SLC36A1: variants seen among roughly 807,000 people sequenced by gnomAD.
The protein encoded by SLC36A1 is solute carrier family 36 member 1, also known as proton-coupled amino acid transporter 1.
SLC36A1 carries 30 observed loss-of-function variants against 47.5 expected under a neutral mutation model. The observed-to-expected ratio is 0.63, with a 90% CI of 0.47 to 0.86. SLC36A1 has a LOEUF of 0.86. Ranked by LOEUF, SLC36A1 falls within the 40% of genes least tolerant of loss-of-function variation. SLC36A1 has a pLI of 0.00. For missense variants in SLC36A1, 517 were observed against 606.0 expected (o/e 0.85, Z 1.54); for synonymous variants, 255 against 249.7 (o/e 1.02, Z -0.20).
chr5:151,420,952 G>C, the SLC36A1 span, among the ~76,000 whole-genome samples: 2 of 148,436 alleles, frequency 1.3e-5, no homozygotes, highest in East Asian at 2.1e-4. Flanking sequence ...TGCATTGCAA[G>C]CTCCTTCTCC....
At chr5:151,540,480 C>A in the SLC36A1 span, 24 of 1,247,620 alleles carry the variant, frequency 1.9e-5, no homozygotes, top group African/African-American at 3.1e-4. Context: ...AATCTCCCTT[C>A]TCCTGCTCCT....
the SLC36A1 span, among the ~76,000 whole-genome samples, chr5:151,404,881 T>A: frequency 0.018 from 2,681 of 152,296 alleles, 226 homozygotes; most frequent in Admixed American, 0.15. Context: ...TGACTGTGTG[T>A]CTTGTATAGT....
intron 1 of SLC36A1, among the ~76,000 whole-genome samples, chr5:151,452,753 C>A (rs1205956031): frequency 6.6e-6 from 1 of 151,584 alleles, no homozygotes. Flanking sequence ...GCCTGTAATC[C>A]CAGCCACTCG....
At chr5:151,551,449 C>T in the SLC36A1 span, 2 of 1,612,956 alleles carry the variant, frequency 1.2e-6, no homozygotes, top group South Asian at 2.2e-5. Context: ...ACAGGGGTCC[C>T]CAGCCGAGGC....
chr5:151,481,471 G>A (rs969716798), intron 10 of SLC36A1, among the ~76,000 whole-genome samples: 5 of 152,124 alleles, frequency 3.3e-5, no homozygotes, highest in South Asian at 2.1e-4. Context: ...TTTCAGCACC[G>A]TTGGTTAGTA....
chr5:151,536,978 C>G, the SLC36A1 span, among the ~76,000 whole-genome samples: 1 of 152,180 alleles, frequency 6.6e-6, no homozygotes, highest in Non-Finnish European at 1.5e-5. Context: ...TATAAATTCT[C>G]CTGCCTTGAG....
chr5:151,381,157 G>C, the SLC36A1 span: 1 of 466,810 alleles, frequency 2.1e-6, no homozygotes, highest in Non-Finnish European at 4.2e-6. Flanking sequence ...CCATGGCTGT[G>C]TGGAAGGAGC....
Position 151,464,593 on chromosome 5 carries a change from T to A in SLC36A1, c.314T>A (p.Phe105Tyr). ...ATCCTGGTGAAATGTGCTCACCACT[T>A]CTGCCGCAGGTGAGAGCCCTCTGAG... ...MGILVKCAHH[F>Y]CRRLNKSFVD... The change falls in exon 4 of 11, where the codon TTC (phenylalanine) becomes TAC (tyrosine). Residue 105 changes from phenylalanine to tyrosine, a missense_variant. Phe to Tyr is a conservative substitution (Grantham distance 22, BLOSUM62 3). Coordinates refer to ENST00000243389, the MANE Select transcript of SLC36A1 (RefSeq NM_078483.4). 6.2e-7 allele frequency: 1 copy of A among 1,614,020 alleles called. No homozygotes were observed. The highest frequency in any genetic ancestry group is 2.2e-5 in the East Asian group (1 of 44,876).
At position 151,476,711 on chromosome 5, in the gene SLC36A1, G is replaced by C. The variant is rs374804438; in HGVS notation, c.944G>C (p.Gly315Ala). The change falls in exon 9 of 11, where the codon GGA (glycine) becomes GCA (alanine). Residue 315 changes from glycine to alanine, a missense_variant. Gly to Ala is a moderately conservative substitution (Grantham distance 60). Transcript: ENST00000243389. ...SLGCLGYLQFGANIQGSITLN... is the reference protein window; with the variant it reads ...SLGCLGYLQFAANIQGSITLN... The stretch of plus-strand genomic sequence containing the variant: ...GGGTGTCTGGGGTACCTGCAATTTG[G>C]AGCTAATATCCAAGGCAGCATAACC... 4.3e-6 allele frequency: 7 copies of C among 1,613,084 alleles called. No individual in the cohort carries two copies. The highest frequency in any genetic ancestry group is 5.1e-6 in the Non-Finnish European group (6 of 1,179,518).
At chr5:151,347,634 C>G in the SLC36A1 span, 3 of 669,546 alleles carry the variant, frequency 4.5e-6, no homozygotes, top group Middle Eastern at 4.1e-4. Context: ...CCTCTTCCTG[C>G]CTGGAGAAGC....
chr5:151,529,206 T>C, the SLC36A1 span: 1 of 1,613,988 alleles, frequency 6.2e-7, no homozygotes, highest in South Asian at 1.1e-5. Context: ...CACAAGGGCA[T>C]TCTCTAAGAC....
At chr5:151,474,183 A>AAAAAAAAAAAAAAAATTATCTTC (rs1561770143) in intron 8 of SLC36A1, among the ~76,000 whole-genome samples, 16 of 145,448 alleles carry the variant, frequency 1.1e-4, no homozygotes, top group African/African-American at 3.4e-4. Context: ...AAAAAAAGAA[A>AAAAAAAAAAAAAAAATTATCTTC]TTATCTTCTG....
chr5:151,412,671 T>C, the SLC36A1 span: 1 of 144,024 alleles, frequency 6.9e-6, no homozygotes, highest in Non-Finnish European at 1.5e-5. Context: ...TGTGTAGATG[T>C]GACATCCACG....
the SLC36A1 span, chr5:151,546,276 C>G: frequency 6.2e-7 from 1 of 1,614,116 alleles, no homozygotes; most frequent in South Asian, 1.1e-5. Context: ...CCTGATCAAG[C>G]TTTTGAGCTA....
intron 1 of SLC36A1, among the ~76,000 whole-genome samples, chr5:151,455,678 AT>A (rs1157052842): frequency 1.3e-5 from 2 of 152,182 alleles, no homozygotes; most frequent in Non-Finnish European, 2.9e-5. Context: ...ACAAAATGCA[AT>A]TTTTAACAGT....
At chr5:151,525,293 C>T in the SLC36A1 span, among the ~76,000 whole-genome samples, 2 of 152,206 alleles carry the variant, frequency 1.3e-5, no homozygotes, top group African/African-American at 4.8e-5. Flanking sequence ...CATAACACCA[C>T]CACCAGAATC....
At chr5:151,457,130 T>C (rs1754655940) in intron 1 of SLC36A1, among the ~76,000 whole-genome samples, 1 of 152,110 alleles carries the variant, frequency 6.6e-6, no homozygotes, top group Non-Finnish European at 1.5e-5. Context: ...GAGCAGGAAG[T>C]TGACTCTTTC....
At chr5:151,483,416 C>G (rs59906322) in intron 10 of SLC36A1, among the ~76,000 whole-genome samples, 8,499 of 151,640 alleles carry the variant, frequency 0.056, 706 homozygotes, top group African/African-American at 0.19. Flanking sequence ...CTCTGTCCCC[C>G]CTTTTGTACA....
chr5:151,528,095 G>A, the SLC36A1 span: 15 of 1,614,074 alleles, frequency 9.3e-6, no homozygotes, highest in Non-Finnish European at 1.3e-5. Context: ...TATAGGTAAT[G>A]TCACTATTTA....
Sources: gnomAD v4.1 joint callset for allele counts (sites outside exome capture counted in the v4.1 genomes callset) on GRCh38, gnomAD v4.1.1 for gene constraint, MANE v1.5 for transcripts, NCBI Gene and HGNC (gene_info 2026-07-23, HGNC 2026-07-21) for gene names.